DNAJC11: variants seen among roughly 807,000 people sequenced by gnomAD.
DNAJC11 encodes the protein DnaJ heat shock protein family (Hsp40) member C11, also known as dnaJ homolog subfamily C member 11.
In DNAJC11, 15 loss-of-function variants were observed where a neutral mutation model predicts 78.6. The ratio of observed to expected loss-of-function variants is 0.19; its 90% CI spans 0.13 to 0.29. The LOEUF (loss-of-function observed/expected upper bound fraction) is 0.29, where lower values mean the gene tolerates loss of function less well. Ranked by LOEUF, DNAJC11 falls within the 10% of genes least tolerant of loss-of-function variation. The pLI is 1.00. For synonymous variants in DNAJC11, 292 were observed against 272.1 expected, an observed-to-expected ratio of 1.07 and a Z score of -0.72; for missense variants, 547 against 709.6, an observed-to-expected ratio of 0.77 and a Z score of 2.60.
chr1:6,640,071 C>CAAA lies in DNAJC11; in HGVS notation c.1098-17_1098-15dup, dbSNP rs56145914. On this transcript the variant is annotated splice_polypyrimidine_tract_variant and intron_variant, in intron 10 of 15. Coordinates refer to ENST00000377577, the MANE Select transcript of DNAJC11 (RefSeq NM_018198.4). The stretch of plus-strand genomic sequence containing the variant: ...GCCCTGTTGAGCCTGGGGAAAAATA[C>CAAA]AAAAAAAAAAAAAAAAAAGCCAAGA... 8.4e-4 allele frequency: 1,026 copies of CAAA among 1,217,934 alleles called. No individual in the cohort carries two copies. Among genetic ancestry groups the CAAA allele is most frequent in the South Asian group, 3.9e-3 (204 of 52,914 alleles). 75.4% of individuals were successfully genotyped at this position (1,217,934 alleles called of 1,614,324 possible).
chr1:6,662,113 A>G (rs1351118857), intron 4 of DNAJC11, among the ~76,000 whole-genome samples: 33 of 129,646 alleles, frequency 2.5e-4, no homozygotes, highest in African/African-American at 8.7e-4. Flanking sequence ...CACCATGCCC[A>G]GTTAATTGTT....
chr1:6,677,840 A>G (rs1642494499), intron 3 of DNAJC11, among the ~76,000 whole-genome samples: 1 of 152,238 alleles, frequency 6.6e-6, no homozygotes, highest in Non-Finnish European at 1.5e-5. Flanking sequence ...TGTTTCACTC[A>G]TCACATTTGA....
intron 7 of DNAJC11, among the ~76,000 whole-genome samples, chr1:6,647,745 G>T (rs1237757419): frequency 6.6e-6 from 1 of 152,124 alleles, no homozygotes; most frequent in East Asian, 1.9e-4. Context: ...AACCTGGGAG[G>T]TGGAGGTTGC....
chr1:6,647,316 C>G (rs1408046824), intron 7 of DNAJC11, among the ~76,000 whole-genome samples: 2 of 151,898 alleles, frequency 1.3e-5, no homozygotes, highest in African/African-American at 4.8e-5. Flanking sequence ...TTCCTGCCCC[C>G]AGGTGATCCA....
Position 6,634,642 on chromosome 1 carries a change from C to A in DNAJC11, c.*1033G>T. ...AACTTTACTGCAGCCGAGGTCCAGG[C>A]CGTGGAGGGGGTCCTAGCTCCGCTG... On this transcript the variant is annotated 3_prime_UTR_variant, in exon 16 of 16. Transcript: ENST00000377577. 7.3e-7 allele frequency: 1 copy of A among 1,366,472 alleles called. No individual in the cohort carries two copies. The highest frequency in any genetic ancestry group is 9.8e-7 in the Non-Finnish European group (1 of 1,021,840). The allele number at this position is 1,366,472 out of a possible 1,614,324, so 84.6% of individuals were successfully genotyped here.
chr1:6,682,653 C>G (rs550651796), intron 1 of DNAJC11, among the ~76,000 whole-genome samples: 34 of 152,164 alleles, frequency 2.2e-4, no homozygotes, highest in Admixed American at 2.2e-3. Context: ...CAAGGCTGGA[C>G]GCAATGGTTG....
chr1:6,647,003 C>T (rs1335739041), intron 7 of DNAJC11, among the ~76,000 whole-genome samples: 4 of 150,636 alleles, frequency 2.7e-5, no homozygotes, highest in East Asian at 3.9e-4. Flanking sequence ...AAAAAAGACA[C>T]AAAATTAGCC....
chr1:6,683,658 T>C (rs922770443), intron 1 of DNAJC11, among the ~76,000 whole-genome samples: 6 of 152,230 alleles, frequency 3.9e-5, no homozygotes, highest in African/African-American at 1.2e-4. Flanking sequence ...AGTTGTGGTA[T>C]CTTTTTGGCA....
intron 1 of DNAJC11, among the ~76,000 whole-genome samples, chr1:6,683,081 T>A (rs1197284264): frequency 6.6e-6 from 1 of 152,212 alleles, no homozygotes; most frequent in Non-Finnish European, 1.5e-5. Context: ...AGGATCTTGC[T>A]GAATGAGCAG....
chr1:6,669,562 AAAG>A (rs978047902), intron 3 of DNAJC11, among the ~76,000 whole-genome samples: 1 of 150,274 alleles, frequency 6.7e-6, no homozygotes, highest in Non-Finnish European at 1.5e-5. Flanking sequence ...AAAGAAAAGA[AAAG>A]AAAAGAAAAG....
At position 6,678,451 on chromosome 1, in the gene DNAJC11, T is replaced by C. The variant is rs767356663; in HGVS notation, c.219A>G (p.Gln73=). 1.9e-6 allele frequency: 3 copies of C among 1,613,844 alleles called. No homozygotes were observed. In the South Asian group the frequency reaches 3.3e-5, roughly 18 times the overall value. The change falls in exon 3 of 16, where the codon CAA becomes CAG. Residue 73 remains glutamine (Q), a synonymous_variant. Transcript: ENST00000377577. ...CATATATATCATAGATGGCCCTGGT[T>C]TGGGGGTCACTAAGCACTGCAAATT... ...HQAYEVLSDP[Q]TRAIYDIYGK...
At chr1:6,655,688 C>T (rs1166414700) in intron 4 of DNAJC11, among the ~76,000 whole-genome samples, 2 of 152,052 alleles carry the variant, frequency 1.3e-5, no homozygotes, top group African/African-American at 2.4e-5. Context: ...GCCAGGTACA[C>T]GTCCCAGCTA....
At chr1:6,651,425 G>T in intron 7 of DNAJC11, 104 bp downstream of exon 7, 1 of 1,001,926 alleles carries the variant, frequency 1.0e-6, no homozygotes, top group Non-Finnish European at 1.5e-6. Context: ...GACCTTGTAG[G>T]ACAGACAAGA....
In DNAJC11 at chr1:6,666,795, A is replaced by G. The variant is rs186542932; in HGVS notation, c.378+914T>C. On this transcript the variant is annotated intron_variant, in intron 4 of 15. Coordinates refer to ENST00000377577, the MANE Select transcript of DNAJC11 (RefSeq NM_018198.4). ...TCCTTCCAACAACGTTGATGATTTG[A>G]CACAGATCATGGGAGAAGAGGCTGA... Among the ~76,000 whole-genome samples the G allele has an allele frequency of 2.5e-3, 382 of 152,288 alleles. 1 individual carries two copies. The highest frequency in any genetic ancestry group is 4.6e-3 in the Non-Finnish European group (310 of 68,034).
At chr1:6,676,769 A>C (rs1462727165) in intron 3 of DNAJC11, among the ~76,000 whole-genome samples, 1 of 152,184 alleles carries the variant, frequency 6.6e-6, no homozygotes, top group East Asian at 1.9e-4. Context: ...GAAAGGCAGG[A>C]AAGGAAATAG....
chr1:6,660,579 G>T (rs12095639), intron 4 of DNAJC11, among the ~76,000 whole-genome samples: 13 of 152,126 alleles, frequency 8.5e-5, no homozygotes, highest in African/African-American at 3.1e-4. Flanking sequence ...TTCCTAAAGT[G>T]TCTGGCACAT....
chr1:6,637,626 G>A (rs1641802132), intron 12 of DNAJC11, 122 bp from the exon 13 acceptor site: 1 of 1,111,824 alleles, frequency 9.0e-7, no homozygotes, highest in South Asian at 1.3e-5. Flanking sequence ...TGGAAAGGAA[G>A]GGAGTGGGCA....
intron 1 of DNAJC11, among the ~76,000 whole-genome samples, chr1:6,687,600 G>A (rs939301837): frequency 1.2e-4 from 18 of 152,000 alleles, no homozygotes; most frequent in African/African-American, 4.1e-4. Flanking sequence ...CTCGTGATCC[G>A]CCCACCTCGG....
At chr1:6,667,268 G>A (rs1027913049) in intron 4 of DNAJC11, among the ~76,000 whole-genome samples, 1 of 152,120 alleles carries the variant, frequency 6.6e-6, no homozygotes, top group Non-Finnish European at 1.5e-5. Flanking sequence ...TTGGCTCTCC[G>A]TATCCTAACG....
Sources: allele counts gnomAD v4.1 joint callset (sites outside exome capture counted in the v4.1 genomes callset), GRCh38; gene constraint gnomAD v4.1.1; transcripts MANE v1.5; gene names NCBI Gene and HGNC (gene_info 2026-07-23, HGNC 2026-07-21).